The following ALDH8A1 variants were observed in gnomAD, a reference collection of about 807,000 sequenced individuals.
ALDH8A1 encodes the protein aldehyde dehydrogenase 8 family member A1.
A neutral mutation model predicts 43.3 loss-of-function variants in ALDH8A1; 39 were observed. The observed-to-expected ratio is 0.90, with a 90% CI of 0.70 to 1.18. The LOEUF (loss-of-function observed/expected upper bound fraction) is 1.18. ALDH8A1 is among the 50% of genes most tolerant of loss of function. The pLI is 0.00. For synonymous variants in ALDH8A1, 233 were observed against 243.5 expected (o/e 0.96, Z 0.40); for missense variants, 605 against 622.6 (o/e 0.97, Z 0.30).
At chr6:134,938,621 ATT>A (rs202230363) in intron 4 of ALDH8A1, among the ~76,000 whole-genome samples, 95 of 40,162 alleles carry the variant, frequency 2.4e-3, no homozygotes, top group African/African-American at 3.9e-3. Flanking sequence ...TCAAGATTTT[ATT>A]TTATTATTAT....
chr6:134,918,712 C>G lies in ALDH8A1; in HGVS notation c.1167G>C (p.Thr389=). 6.2e-7 allele frequency: 1 copy of G among 1,614,136 alleles called. No individual in the cohort carries two copies. The highest frequency in any genetic ancestry group is 8.5e-7 in the Non-Finnish European group (1 of 1,180,024). The part of the protein sequence containing the change: ...TDIKDESCCM[T]EEIFGPVTCV... Reference sequence around the variant, plus strand: ...ACGTCACTGGACCAAATATCTCTTCCGTCATGCAGCAGGATTCATCCTTAA... The same window carrying G: ...ACGTCACTGGACCAAATATCTCTTCGGTCATGCAGCAGGATTCATCCTTAA... The change falls in exon 7 of 7, where the codon ACG becomes ACC. Residue 389 remains threonine (T), a synonymous_variant. Transcript: ENST00000265605.
chr6:134,948,201 T>C (rs1773986978), intron 1 of ALDH8A1, among the ~76,000 whole-genome samples: 1 of 152,104 alleles, frequency 6.6e-6, no homozygotes, highest in African/African-American at 2.4e-5. Context: ...CTTAAAAAAG[T>C]TGATCTCATG....
At chr6:134,941,751 G>A (rs1298675843) in intron 3 of ALDH8A1, among the ~76,000 whole-genome samples, 1 of 151,776 alleles carries the variant, frequency 6.6e-6, no homozygotes, top group African/African-American at 2.4e-5. Flanking sequence ...TCGAATTCCT[G>A]ACCTCAGATG....
chr6:134,931,462 C>T (rs558005381), intron 5 of ALDH8A1, among the ~76,000 whole-genome samples: 1 of 149,444 alleles, frequency 6.7e-6, no homozygotes, highest in East Asian at 2.0e-4. Context: ...TGGAGTTTTG[C>T]CATGTTGGCC....
chr6:134,932,141 G>A (rs149499195), intron 5 of ALDH8A1, among the ~76,000 whole-genome samples: 60 of 152,278 alleles, frequency 3.9e-4, no homozygotes, highest in African/African-American at 1.3e-3. Flanking sequence ...AGCAGGCAGC[G>A]TTTCCATCTT....
intron 1 of ALDH8A1, among the ~76,000 whole-genome samples, chr6:134,944,705 G>A (rs750318383): frequency 1.8e-4 from 28 of 151,776 alleles, no homozygotes; most frequent in Middle Eastern, 3.4e-3. Context: ...TCAACATAGT[G>A]AGACCCTGTC....
intron 6 of ALDH8A1, among the ~76,000 whole-genome samples, chr6:134,923,195 T>C (rs1219092124): frequency 6.6e-6 from 1 of 152,080 alleles, no homozygotes; most frequent in Non-Finnish European, 1.5e-5. Context: ...CCTGGCTAAA[T>C]TTTTTTGTAT....
chr6:134,944,822 G>A (rs1311172011), intron 1 of ALDH8A1, among the ~76,000 whole-genome samples: 1 of 151,876 alleles, frequency 6.6e-6, no homozygotes, highest in Non-Finnish European at 1.5e-5. Flanking sequence ...CCAGGAGGTA[G>A]AAGCTGTAGT....
At chr6:134,939,122 G>A in intron 4 of ALDH8A1, 144 bp downstream of exon 4, 1 of 1,288,600 alleles carries the variant, frequency 7.8e-7, no homozygotes, top group South Asian at 1.4e-5. Context: ...AACCCTGTGG[G>A]TGGAGGGGAT....
At chr6:134,938,526 G>A (rs1213016991) in intron 4 of ALDH8A1, among the ~76,000 whole-genome samples, 2 of 152,190 alleles carry the variant, frequency 1.3e-5, no homozygotes, top group Non-Finnish European at 2.9e-5. Context: ...TTGAAATCGG[G>A]CTACTTCTAC....
At position 134,918,945 on chromosome 6, in the gene ALDH8A1, TA is replaced by T. The variant is rs1483525157; in HGVS notation, c.1012-79del. On this transcript the variant is annotated intron_variant, in intron 6 of 6. Transcript: ENST00000265605. Reference sequence around the variant, plus strand: ...AATCAGCAGAAAATTCAATGTTTTCTAATCATCTCGGAAGGAGGGATAAGGT... The same window carrying T: ...AATCAGCAGAAAATTCAATGTTTTCTATCATCTCGGAAGGAGGGATAAGGT... 4.0e-5 allele frequency: 59 copies of T among 1,465,682 alleles called. 1 individual carries two copies. In the Admixed American group the frequency reaches 4.2e-4, roughly 10 times the overall value. 90.8% of individuals were successfully genotyped at this position (1,465,682 alleles called of 1,614,324 possible). A position where few individuals can be genotyped will look rare whatever the true frequency, so the allele number is the denominator to read the frequency against.
intron 1 of ALDH8A1, among the ~76,000 whole-genome samples, chr6:134,949,040 C>T (rs1176963062): frequency 6.7e-6 from 1 of 149,030 alleles, no homozygotes; most frequent in African/African-American, 2.5e-5. Flanking sequence ...GAAGTATTAA[C>T]AAAAAAGAAA....
chr6:134,937,090 C>T (rs147457108), intron 4 of ALDH8A1, among the ~76,000 whole-genome samples: 38 of 152,228 alleles, frequency 2.5e-4, no homozygotes, highest in African/African-American at 8.7e-4. Flanking sequence ...GCCAGGAAAA[C>T]GCAGTCAGTG....
intron 6 of ALDH8A1, among the ~76,000 whole-genome samples, chr6:134,926,498 G>C (rs1776885719): frequency 6.6e-6 from 1 of 151,972 alleles, no homozygotes. Flanking sequence ...ACCGCACCTG[G>C]CCAGGACCCT....
chr6:134,942,645 A>C (rs935421558), intron 2 of ALDH8A1, 81 bp from the exon 3 acceptor site: 3 of 1,406,592 alleles, frequency 2.1e-6, no homozygotes, highest in Non-Finnish European at 2.9e-6. Flanking sequence ...ACGCGTCCCA[A>C]CTCACACTGA....
At chr6:134,944,146 C>A (rs180966930) in intron 1 of ALDH8A1, 180 bp from the exon 2 acceptor site, 53 of 691,148 alleles carry the variant, frequency 7.7e-5, no homozygotes, top group East Asian at 6.2e-4. Flanking sequence ...TGGCTCACTG[C>A]AACCTCTGCC....
intron 4 of ALDH8A1, among the ~76,000 whole-genome samples, chr6:134,936,418 C>T (rs916025046): frequency 1.3e-5 from 2 of 152,172 alleles, no homozygotes; most frequent in African/African-American, 4.8e-5. Flanking sequence ...GGAGAGGATC[C>T]CCCTCAGTAG....
At chr6:134,947,370 T>G (rs1210566425) in intron 1 of ALDH8A1, among the ~76,000 whole-genome samples, 2 of 151,718 alleles carry the variant, frequency 1.3e-5, no homozygotes, top group African/African-American at 2.4e-5. Context: ...AGAAAATAAA[T>G]AAACAAAATA....
intron 1 of ALDH8A1, among the ~76,000 whole-genome samples, chr6:134,946,913 C>A (rs1014762473): frequency 1.3e-5 from 2 of 152,176 alleles, no homozygotes; most frequent in African/African-American, 4.8e-5. Context: ...TAAGTTGTTA[C>A]AACTCGCTTC....
Sources: allele counts gnomAD v4.1 joint callset (sites outside exome capture counted in the v4.1 genomes callset), GRCh38; gene constraint gnomAD v4.1.1; transcripts MANE v1.5; gene names NCBI Gene and HGNC (gene_info 2026-07-23, HGNC 2026-07-21).